Variants in OR1J2 observed in about 807,000 individuals in gnomAD.
The protein encoded by OR1J2 is olfactory receptor 1J2.
For missense variants in OR1J2, 304 were observed against 246.1 expected, an observed-to-expected ratio of 1.24 and a Z score of -1.57; for synonymous variants, 142 against 99.7, an observed-to-expected ratio of 1.42 and a Z score of -2.52.
the OR1J2 span, among the ~76,000 whole-genome samples, chr9:122,533,335 A>G: frequency 2.0e-5 from 3 of 152,172 alleles, no homozygotes; most frequent in Non-Finnish European, 2.9e-5. Flanking sequence ...TAACAGGCGA[A>G]TGATAACAGG....
the OR1J2 span, among the ~76,000 whole-genome samples, chr9:122,536,775 G>A: frequency 1.3e-3 from 200 of 152,242 alleles, no homozygotes; most frequent in African/African-American, 4.6e-3. Flanking sequence ...ATTCTTCTGT[G>A]TGTGGATAGC....
chr9:122,472,769 A>G, the OR1J2 span, among the ~76,000 whole-genome samples: 1 of 152,204 alleles, frequency 6.6e-6, no homozygotes, highest in Non-Finnish European at 1.5e-5. Flanking sequence ...ACATTTAAAA[A>G]AAGACTCCCT....
the OR1J2 span, among the ~76,000 whole-genome samples, chr9:122,530,903 T>C: frequency 3.3e-5 from 5 of 152,248 alleles, no homozygotes; most frequent in South Asian, 6.2e-4. Context: ...TTCACTTCTT[T>C]TGTGGTGGAA....
the OR1J2 span, among the ~76,000 whole-genome samples, chr9:122,575,179 G>A: frequency 2.6e-5 from 4 of 151,986 alleles, no homozygotes; most frequent in Admixed American, 2.0e-4. Flanking sequence ...TTTGGTTTTG[G>A]TATTAGGATA....
chr9:122,540,386 T>C, the OR1J2 span, among the ~76,000 whole-genome samples: 1 of 152,256 alleles, frequency 6.6e-6, no homozygotes, highest in Non-Finnish European at 1.5e-5. Flanking sequence ...CTTTCCCCAC[T>C]TCTTGTTTTT....
At chr9:122,533,664 TTTCTAAGTTG>T in the OR1J2 span, among the ~76,000 whole-genome samples, 1 of 152,070 alleles carries the variant, frequency 6.6e-6, no homozygotes, top group Non-Finnish European at 1.5e-5. Flanking sequence ...AAAAGAATGT[TTTCTAAGTTG>T]GCACCAGAGT....
the OR1J2 span, among the ~76,000 whole-genome samples, chr9:122,531,189 G>A: frequency 6.6e-6 from 1 of 152,150 alleles, no homozygotes; most frequent in East Asian, 1.9e-4. Context: ...GGAAGATTTT[G>A]TGGTAAGGGG....
the OR1J2 span, among the ~76,000 whole-genome samples, chr9:122,479,389 C>T: frequency 2.0e-5 from 3 of 152,200 alleles, no homozygotes; most frequent in Non-Finnish European, 2.9e-5. Context: ...TCCAGTCTCT[C>T]GGCCTTTGTG....
the OR1J2 span, among the ~76,000 whole-genome samples, chr9:122,550,014 T>G: frequency 6.6e-6 from 1 of 152,152 alleles, no homozygotes; most frequent in Admixed American, 6.6e-5. Flanking sequence ...TTCCATTTAT[T>G]CGTGTCATCT....
chr9:122,470,353 T>G, the OR1J2 span, among the ~76,000 whole-genome samples: 5 of 152,200 alleles, frequency 3.3e-5, no homozygotes, highest in African/African-American at 1.2e-4. Context: ...CCTTGGCAGC[T>G]TCCATGTGGT....
chr9:122,517,588 ATATT>A, the OR1J2 span, among the ~76,000 whole-genome samples: 4,750 of 152,272 alleles, frequency 0.031, 251 homozygotes, highest in African/African-American at 0.11. Flanking sequence ...GTTGGTATAT[ATATT>A]AGGCATTTGG....
At chr9:122,458,797 C>T in the OR1J2 span, among the ~76,000 whole-genome samples, 7 of 152,066 alleles carry the variant, frequency 4.6e-5, no homozygotes, top group Non-Finnish European at 8.8e-5. Context: ...TTTTGGAAAA[C>T]TGTCAGCCAT....
At chr9:122,503,598 A>T in the OR1J2 span, among the ~76,000 whole-genome samples, 3 of 152,204 alleles carry the variant, frequency 2.0e-5, no homozygotes, top group Non-Finnish European at 4.4e-5. Flanking sequence ...TCTGAAGTGG[A>T]TGCTCTCTGG....
chr9:122,550,411 C>T, the OR1J2 span, among the ~76,000 whole-genome samples: 12 of 152,192 alleles, frequency 7.9e-5, no homozygotes, highest in African/African-American at 2.9e-4. Flanking sequence ...AAGCAGGTAT[C>T]ACCTGGATAT....
chr9:122,500,512 T>C, the OR1J2 span, among the ~76,000 whole-genome samples: 4 of 152,232 alleles, frequency 2.6e-5, no homozygotes, highest in African/African-American at 4.8e-5. Flanking sequence ...ACTATCTTGC[T>C]ATTTCCAAGT....
At chr9:122,478,543 T>C in the OR1J2 span, among the ~76,000 whole-genome samples, 1 of 152,186 alleles carries the variant, frequency 6.6e-6, no homozygotes, top group Admixed American at 6.5e-5. Context: ...ACTTTATTTA[T>C]TAAAAAACTC....
chr9:122,523,308 A>G, the OR1J2 span, among the ~76,000 whole-genome samples: 2 of 152,186 alleles, frequency 1.3e-5, no homozygotes, highest in Non-Finnish European at 2.9e-5. Flanking sequence ...GAGTCTAGAC[A>G]GGGAGACAAA....
chr9:122,566,467 A>G, the OR1J2 span, among the ~76,000 whole-genome samples: 1 of 152,004 alleles, frequency 6.6e-6, no homozygotes, highest in African/African-American at 2.4e-5. Flanking sequence ...TAATGGATTC[A>G]TACTTTTACA....
the OR1J2 span, among the ~76,000 whole-genome samples, chr9:122,545,193 T>C: frequency 6.6e-6 from 1 of 152,038 alleles, no homozygotes; most frequent in African/African-American, 2.4e-5. Context: ...TATAATATTA[T>C]GTATGATTAC....
Sources: allele counts gnomAD v4.1 joint callset (sites outside exome capture counted in the v4.1 genomes callset), GRCh38; gene constraint gnomAD v4.1.1; transcripts MANE v1.5; gene names NCBI Gene and HGNC (gene_info 2026-07-23, HGNC 2026-07-21).